The following ACTR3C variants were observed in gnomAD, a reference collection of about 807,000 sequenced individuals.
ACTR3C encodes actin-related protein 3C.
ACTR3C carries 18 observed loss-of-function variants against 26.3 expected under a neutral mutation model. The ratio of observed to expected loss-of-function variants is 0.68; its 90% CI spans 0.47 to 1.01. The LOEUF (loss-of-function observed/expected upper bound fraction) is 1.01. Ranked by LOEUF, ACTR3C falls within the 50% of genes least tolerant of loss-of-function variation. The pLI, the probability that ACTR3C is intolerant of heterozygous loss-of-function variation, is 0.00. For missense variants in ACTR3C, 184 were observed against 250.7 expected (o/e 0.73, Z 1.80); for synonymous variants, 55 against 94.5 (o/e 0.58, Z 2.42).
intron 3 of ACTR3C, among the ~76,000 whole-genome samples, chr7:150,292,956 A>T (rs1161491863): frequency 1.3e-5 from 2 of 152,276 alleles, no homozygotes; most frequent in Admixed American, 1.3e-4. Context: ...ATGTCGGAAT[A>T]ACCCCGGAAA....
At chr7:150,079,272 C>T in the ACTR3C span, among the ~76,000 whole-genome samples, 4 of 152,080 alleles carry the variant, frequency 2.6e-5, no homozygotes, top group African/African-American at 9.7e-5. Context: ...CCCCGAGTAC[C>T]GGCATCAGGG....
chr7:150,248,957 A>G lies in ACTR3C; in HGVS notation c.*29T>C. 1 of 582,862 alleles carries G rather than the reference A, an allele frequency of 1.7e-6. No individual in the cohort carries two copies. Among genetic ancestry groups the G allele is most frequent in the Non-Finnish European group, 3.1e-6 (1 of 324,056 alleles). 36.1% of individuals were successfully genotyped at this position (582,862 alleles called of 1,614,324 possible). ...AAAATCATGAGAATACCTCAAATAA[A>G]AGGCTACGCATGGGCTCAATATATC... On this transcript the variant is annotated 3_prime_UTR_variant, in exon 7 of 8. Coordinates refer to ENST00000683684, the MANE Select transcript of ACTR3C (RefSeq NM_001164458.2).
At chr7:150,189,353 T>C in the ACTR3C span, among the ~76,000 whole-genome samples, 1 of 152,252 alleles carries the variant, frequency 6.6e-6, no homozygotes, top group East Asian at 1.9e-4. Context: ...GTTAGTTTCA[T>C]TTGTTACAAT....
rs2531039 is a variant in ACTR3C, at chr7:150,295,291, G to T, written c.6C>A (p.Phe2Leu). ...AGAGTCCTGGAACGTTAAATGATTC[G>T]AACATAATTTCTGCAAGATACTCTC... M[F>L]ESFNVPGLYI... Residue 2 changes from phenylalanine (F) to leucine (L), a missense_variant, in exon 2 of 8, where the codon TTC becomes TTA. Phe to Leu is a conservative substitution (Grantham distance 22). Transcript: ENST00000683684. 1.3e-6 allele frequency: 2 copies of T among 1,589,350 alleles called. No homozygotes were observed. Among genetic ancestry groups the T allele is most frequent in the Non-Finnish European group, 1.7e-6 (2 of 1,169,916 alleles).
chr7:150,192,909 T>C, the ACTR3C span, among the ~76,000 whole-genome samples: 1 of 152,232 alleles, frequency 6.6e-6, no homozygotes, highest in African/African-American at 2.4e-5. Context: ...TTACTGATTG[T>C]CTTGCACACA....
chr7:149,996,815 CCTGA>C, the ACTR3C span, among the ~76,000 whole-genome samples: 1 of 151,184 alleles, frequency 6.6e-6, no homozygotes, highest in South Asian at 2.1e-4. Flanking sequence ...GGGCCAGAAA[CCTGA>C]CTGTTATGCT....
chr7:150,247,326 G>A lies in ACTR3C; in HGVS notation c.*282C>T, dbSNP rs911992400. On this transcript the variant is annotated 3_prime_UTR_variant, in exon 8 of 8. Transcript: ENST00000683684. The stretch of plus-strand genomic sequence containing the variant: ...AATTATTCACCCAGATGTAAGTGTC[G>A]GTATGTTATTAATACTTTCTCCAAG... 6.6e-5 allele frequency: 10 copies of A among 152,032 alleles called. No homozygotes were observed. Among genetic ancestry groups the A allele is most frequent in the East Asian group, 3.9e-4 (2 of 5,188 alleles). The allele number at this position is 152,032 out of a possible 1,614,324, so 9.4% of individuals were successfully genotyped here.
chr7:150,049,429 A>C, the ACTR3C span, among the ~76,000 whole-genome samples: 1 of 152,130 alleles, frequency 6.6e-6, no homozygotes, highest in Non-Finnish European at 1.5e-5. Context: ...GCCCCTGCCC[A>C]TTCCGCCGCC....
the ACTR3C span, among the ~76,000 whole-genome samples, chr7:150,138,557 T>A: frequency 6.6e-6 from 1 of 152,370 alleles, no homozygotes; most frequent in South Asian, 2.1e-4. Flanking sequence ...GATAAAGTCT[T>A]CTGGAGAAGC....
At chr7:149,929,884 G>T in the ACTR3C span, among the ~76,000 whole-genome samples, 1 of 152,164 alleles carries the variant, frequency 6.6e-6, no homozygotes, top group Non-Finnish European at 1.5e-5. Flanking sequence ...AAGAAACCTC[G>T]TGGACATCAC....
chr7:149,897,061 CA>C, the ACTR3C span, among the ~76,000 whole-genome samples: 5,335 of 51,116 alleles, frequency 0.1, 205 homozygotes, highest in African/African-American at 0.25. Context: ...ACACCGTCTC[CA>C]AAAAAAAAAA....
chr7:150,152,800 A>G, the ACTR3C span, among the ~76,000 whole-genome samples: 1 of 152,148 alleles, frequency 6.6e-6, no homozygotes, highest in African/African-American at 2.4e-5. Context: ...GCTATTGATT[A>G]TTGCCACAAT....
chr7:150,066,997 A>G, the ACTR3C span, among the ~76,000 whole-genome samples: 4 of 152,334 alleles, frequency 2.6e-5, no homozygotes, highest in East Asian at 7.7e-4. Context: ...CTAATCAACC[A>G]TGGAATGTGG....
At chr7:149,941,736 G>A in the ACTR3C span, among the ~76,000 whole-genome samples, 12 of 152,182 alleles carry the variant, frequency 7.9e-5, no homozygotes, top group Admixed American at 7.9e-4. Context: ...GGCACCTAGG[G>A]GAAGGGCTAA....
intron 6 of ACTR3C, among the ~76,000 whole-genome samples, chr7:150,255,828 C>T (rs1833180199): frequency 6.6e-6 from 1 of 152,188 alleles, no homozygotes; most frequent in Non-Finnish European, 1.5e-5. Flanking sequence ...AGAAATATTG[C>T]AGGTTCTCTA....
chr7:149,927,684 C>T, the ACTR3C span, among the ~76,000 whole-genome samples: 3 of 151,222 alleles, frequency 2.0e-5, no homozygotes, highest in East Asian at 3.9e-4. Context: ...GCCAAGATCA[C>T]GCCATTCTAC....
chr7:150,185,977 C>T, the ACTR3C span, among the ~76,000 whole-genome samples: 45 of 152,238 alleles, frequency 3.0e-4, no homozygotes, highest in African/African-American at 1.0e-3. Flanking sequence ...ATTTTGATCT[C>T]GGATTAGTGA....
At chr7:150,321,850 G>A (rs1053258605) in intron 1 of ACTR3C, among the ~76,000 whole-genome samples, 1 of 152,240 alleles carries the variant, frequency 6.6e-6, no homozygotes, top group Non-Finnish European at 1.5e-5. Context: ...GACTGGCTTG[G>A]CATTAATTTG....
the ACTR3C span, among the ~76,000 whole-genome samples, chr7:150,198,207 C>T: frequency 6.7e-6 from 1 of 149,154 alleles, no homozygotes; most frequent in South Asian, 2.1e-4. Context: ...CCTACACCTC[C>T]CAGCCGCCTG....
Sources: gnomAD v4.1 joint callset for allele counts (sites outside exome capture counted in the v4.1 genomes callset) on GRCh38, gnomAD v4.1.1 for gene constraint, MANE v1.5 for transcripts, NCBI Gene and HGNC (gene_info 2026-07-23, HGNC 2026-07-21) for gene names.